The following FHIT variants were observed in gnomAD, a reference collection of about 807,000 sequenced individuals.
FHIT encodes bis(5'-adenosyl)-triphosphatase.
A neutral mutation model predicts 17.9 loss-of-function variants in FHIT; 19 were observed. The ratio of observed to expected loss-of-function variants is 1.06; its 90% CI spans 0.74 to 1.56. FHIT has a LOEUF of 1.56. Among genes scored for constraint, FHIT ranks in the 40% most tolerant of loss-of-function variants. The probability of loss-of-function intolerance (pLI) is 0.00; values close to 1 mark genes in which losing one functional copy is unlikely to be tolerated. For missense variants in FHIT, 248 were observed against 189.2 expected (o/e 1.31, Z -1.82); for synonymous variants, 81 against 69.7 (o/e 1.16, Z -0.81).
chr3:60,921,006 T>C (rs141061658), intron 3 of FHIT, among the ~76,000 whole-genome samples: 39 of 152,306 alleles, frequency 2.6e-4, no homozygotes, highest in African/African-American at 8.7e-4. Flanking sequence ...TATAGGTTCA[T>C]TTGGTAACTC....
At chr3:60,097,767 G>A (rs1436740268) in intron 5 of FHIT, among the ~76,000 whole-genome samples, 60 of 150,596 alleles carry the variant, frequency 4.0e-4, no homozygotes, top group Middle Eastern at 6.8e-3. Flanking sequence ...ACAATGTGCA[G>A]GTTTGTTACA....
chr3:59,750,918 A>G (rs935656016), intron 9 of FHIT: 3 of 193,968 alleles, frequency 1.5e-5, no homozygotes, highest in Non-Finnish European at 3.2e-5. Flanking sequence ...TTTATTCACT[A>G]ATTTTGTTTT....
chr3:59,989,329 C>A (rs1341955408), intron 7 of FHIT, among the ~76,000 whole-genome samples: 2 of 151,966 alleles, frequency 1.3e-5, no homozygotes, highest in African/African-American at 4.8e-5. Flanking sequence ...TGGCTGACTT[C>A]CCCCACACAT....
chr3:60,218,622 A>G lies in FHIT; in HGVS notation c.104-204470T>C, dbSNP rs567812923. On this transcript the variant is annotated intron_variant, in intron 5 of 9. Coordinates refer to ENST00000492590, the MANE Select transcript of FHIT (RefSeq NM_002012.4). ...GATCTTACAGAAAAGTTCTTAACAG[A>G]AGACTAACAATTTTGCAATGACAAG... Among the ~76,000 whole-genome samples, 6 of 152,254 alleles carry G rather than the reference A, an allele frequency of 3.9e-5. No homozygotes were observed. The East Asian group carries it at 1.2e-3, about 29-fold the overall frequency.
At chr3:60,504,985 A>G (rs1224982647) in intron 5 of FHIT, among the ~76,000 whole-genome samples, 2 of 152,228 alleles carry the variant, frequency 1.3e-5, no homozygotes, top group Non-Finnish European at 2.9e-5. Context: ...AAAAACCAAC[A>G]GGTCCCAGGG....
chr3:60,803,408 A>T (rs1701267553), intron 4 of FHIT, among the ~76,000 whole-genome samples: 1 of 152,088 alleles, frequency 6.6e-6, no homozygotes, highest in Admixed American at 6.6e-5. Flanking sequence ...GCATTTTGGG[A>T]TGGGGGACAC....
At chr3:59,856,317 T>TA (rs1427652002) in intron 8 of FHIT, among the ~76,000 whole-genome samples, 6 of 152,234 alleles carry the variant, frequency 3.9e-5, no homozygotes, top group Admixed American at 6.5e-5. Context: ...AGGTAATTGT[T>TA]AAAATTTTTT....
chr3:61,067,559 C>T (rs1046833977), intron 2 of FHIT, among the ~76,000 whole-genome samples: 3 of 152,106 alleles, frequency 2.0e-5, no homozygotes, highest in Admixed American at 1.3e-4. Context: ...ACTTCCCACA[C>T]GAATGACCTT....
intron 4 of FHIT, among the ~76,000 whole-genome samples, chr3:60,643,036 G>T (rs1253220646): frequency 6.6e-6 from 1 of 152,132 alleles, no homozygotes; most frequent in Non-Finnish European, 1.5e-5. Flanking sequence ...CAGCTGAACT[G>T]GTAGTTCCAC....
At chr3:60,684,977 C>A (rs1451972097) in intron 4 of FHIT, among the ~76,000 whole-genome samples, 2 of 152,130 alleles carry the variant, frequency 1.3e-5, no homozygotes, top group Non-Finnish European at 2.9e-5. Flanking sequence ...CAGGAGATAA[C>A]TTGTCCTCCC....
chr3:60,081,236 A>C (rs977344718), intron 5 of FHIT, among the ~76,000 whole-genome samples: 1 of 151,780 alleles, frequency 6.6e-6, no homozygotes, highest in Non-Finnish European at 1.5e-5. Flanking sequence ...TGTGGCTGGG[A>C]CTCTAAGATT....
At chr3:60,013,937 A>G in intron 6 of FHIT, 70 bp downstream of exon 6, 1 of 1,481,790 alleles carries the variant, frequency 6.7e-7, no homozygotes, top group Non-Finnish European at 9.3e-7. Flanking sequence ...GTAAGATATC[A>G]GGAGGAGCAA....
chr3:60,472,459 C>T (rs1031891461), intron 5 of FHIT, among the ~76,000 whole-genome samples: 2 of 150,076 alleles, frequency 1.3e-5, no homozygotes, highest in Non-Finnish European at 2.9e-5. Flanking sequence ...AGCTCCACTT[C>T]CCAGGTTCAC....
At chr3:60,904,968 C>T (rs1385767322) in intron 3 of FHIT, among the ~76,000 whole-genome samples, 2 of 150,876 alleles carry the variant, frequency 1.3e-5, no homozygotes, top group African/African-American at 2.4e-5. Context: ...TCTTAAAACC[C>T]ATTTTTAGAA....
intron 2 of FHIT, among the ~76,000 whole-genome samples, chr3:61,044,670 C>T (rs990872232): frequency 2.0e-5 from 3 of 152,076 alleles, no homozygotes; most frequent in African/African-American, 7.2e-5. Context: ...AAATCCAAGA[C>T]ACATAATTGT....
chr3:59,832,178 G>A (rs1701187469), intron 8 of FHIT, among the ~76,000 whole-genome samples: 1 of 152,106 alleles, frequency 6.6e-6, no homozygotes, highest in Non-Finnish European at 1.5e-5. Flanking sequence ...GATTGTTGGA[G>A]CCACTTCATA....
intron 1 of FHIT, among the ~76,000 whole-genome samples, chr3:61,209,623 G>A (rs543171153): frequency 7.2e-5 from 11 of 152,138 alleles, no homozygotes; most frequent in South Asian, 2.1e-4. Context: ...AGGCTTGTGC[G>A]TTCGTCACGT....
At chr3:59,855,813 C>A (rs1702131243) in intron 8 of FHIT, among the ~76,000 whole-genome samples, 1 of 148,736 alleles carries the variant, frequency 6.7e-6, no homozygotes, top group Non-Finnish European at 1.5e-5. Flanking sequence ...CGGAGTCTTG[C>A]CCTGTCGCTC....
At chr3:59,839,274 T>G (rs144733473) in intron 8 of FHIT, among the ~76,000 whole-genome samples, 389 of 149,398 alleles carry the variant, frequency 2.6e-3, no homozygotes, top group Non-Finnish European at 4.8e-3. Flanking sequence ...GCTGAGATCA[T>G]GCCATTGCAC....
Sources: gnomAD v4.1 joint callset for allele counts (sites outside exome capture counted in the v4.1 genomes callset) on GRCh38, gnomAD v4.1.1 for gene constraint, MANE v1.5 for transcripts, NCBI Gene and HGNC (gene_info 2026-07-23, HGNC 2026-07-21) for gene names.